The following RELCH variants were observed in gnomAD, a reference collection of about 807,000 sequenced individuals.
RELCH encodes the protein RAB11-binding protein RELCH.
Under a neutral mutation model 150.3 loss-of-function variants are expected in RELCH, and 41 were observed. The ratio of observed to expected loss-of-function variants is 0.27; its 90% confidence interval spans 0.21 to 0.35. The LOEUF is 0.35. RELCH is among the 10% of genes least tolerant of loss of function. The probability of loss-of-function intolerance (pLI) is 1.00; values close to 1 mark genes in which losing one functional copy is unlikely to be tolerated. For synonymous variants in RELCH, 478 were observed against 531.8 expected (o/e 0.90, Z 1.39); for missense variants, 1,092 against 1,467.8 (o/e 0.74, Z 4.18).
chr18:62,206,818 C>T (rs1763462271), intron 1 of RELCH, among the ~76,000 whole-genome samples: 2 of 150,610 alleles, frequency 1.3e-5, no homozygotes, highest in South Asian at 4.2e-4. Flanking sequence ...CTCCCCGCCC[C>T]GCAGCTTCTG....
At position 62,187,300 on chromosome 18, in the gene RELCH, C is replaced by T. The variant is rs562311656; in HGVS notation, c.-206C>T. 4.9e-5 allele frequency: 20 copies of T among 407,058 alleles called. No homozygotes were observed. The South Asian group carries it at 1.3e-3, about 27-fold the overall frequency. 25.2% of individuals were successfully genotyped at this position (407,058 alleles called of 1,614,324 possible). A position where few individuals can be genotyped will look rare whatever the true frequency, so the allele number is the denominator to read the frequency against. ...CCAGGAAGACGCCTGCAGAGCCGGG[C>T]TGCTGGTGCAGCAGAGGCTGAGGCA... On this transcript the variant is annotated 5_prime_UTR_variant, in exon 1 of 29. Coordinates refer to ENST00000644646, the MANE Select transcript of RELCH (RefSeq NM_001346231.2).
intron 2 of RELCH, among the ~76,000 whole-genome samples, chr18:62,220,402 CTG>C (rs2040785534): frequency 9.1e-6 from 1 of 110,436 alleles, no homozygotes; most frequent in Non-Finnish European, 1.9e-5. Context: ...TTTGATGTAT[CTG>C]TGTTTGTTTT....
intron 26 of RELCH, among the ~76,000 whole-genome samples, chr18:62,290,701 A>G (rs1162944174): frequency 5.3e-5 from 8 of 152,336 alleles, no homozygotes; most frequent in African/African-American, 1.9e-4. Context: ...TTTTAATGTC[A>G]AGATAATCAA....
intron 20 of RELCH, among the ~76,000 whole-genome samples, chr18:62,273,239 T>G (rs2044007065): frequency 6.6e-6 from 1 of 151,998 alleles, no homozygotes. Context: ...CTCTCTTAAT[T>G]TAGCGGGTTT....
At chr18:62,256,065 A>G (rs1362430752) in intron 13 of RELCH, among the ~76,000 whole-genome samples, 1 of 152,140 alleles carries the variant, frequency 6.6e-6, no homozygotes, top group Non-Finnish European at 1.5e-5. Context: ...GACAAAATAG[A>G]AAGTACTCAT....
At chr18:62,256,711 A>G (rs548344590) in intron 13 of RELCH, among the ~76,000 whole-genome samples, 2 of 152,088 alleles carry the variant, frequency 1.3e-5, no homozygotes, top group East Asian at 3.9e-4. Flanking sequence ...CTCCTGACCA[A>G]TGCTCTGGTG....
chr18:62,208,356 C>CAAAA (rs35392932), intron 1 of RELCH, among the ~76,000 whole-genome samples: 1 of 132,524 alleles, frequency 7.5e-6, no homozygotes. Flanking sequence ...ACTTTTAAAG[C>CAAAA]AAAAAAAAAA....
intron 2 of RELCH, among the ~76,000 whole-genome samples, chr18:62,213,582 T>C (rs1048276221): frequency 1.3e-5 from 2 of 151,912 alleles, no homozygotes; most frequent in Admixed American, 1.3e-4. Context: ...ATACAAAAAT[T>C]AGCTGGGCAT....
At chr18:62,220,667 T>C (rs930073980) in intron 2 of RELCH, among the ~76,000 whole-genome samples, 20 of 152,216 alleles carry the variant, frequency 1.3e-4, no homozygotes, top group African/African-American at 4.6e-4. Context: ...TTATGTCACC[T>C]GCACACATCC....
intron 18 of RELCH, among the ~76,000 whole-genome samples, chr18:62,265,967 TAAAC>T (rs922847735): frequency 5.9e-5 from 9 of 151,966 alleles, no homozygotes; most frequent in African/African-American, 2.2e-4. Context: ...ATTCAGTTGT[TAAAC>T]AAATATAATT....
chr18:62,199,280 G>T (rs2039266035), intron 1 of RELCH, among the ~76,000 whole-genome samples: 1 of 151,506 alleles, frequency 6.6e-6, no homozygotes. Flanking sequence ...TTCCACTTAT[G>T]GAAATTAATT....
chr18:62,201,210 T>C (rs1328149102), intron 1 of RELCH, among the ~76,000 whole-genome samples: 1 of 152,082 alleles, frequency 6.6e-6, no homozygotes. Flanking sequence ...CCTGACCTTG[T>C]GATCCGCCTG....
At chr18:62,228,167 A>G in intron 7 of RELCH, 138 bp from the exon 8 acceptor site, 1 of 670,202 alleles carries the variant, frequency 1.5e-6, no homozygotes, top group Non-Finnish European at 2.5e-6. Flanking sequence ...TGCATAAAAA[A>G]GATTTATTAC....
rs2045966684 is a variant in RELCH, at chr18:62,310,113, A to G, written c.*4579A>G. On this transcript the variant is annotated 3_prime_UTR_variant, in exon 29 of 29. Transcript: ENST00000644646. ...AATATAATAATTTCTCATTGACTTTATGATTTCATAGATGCTTTATCTTCA... is the reference window on the plus strand; with the variant it reads ...AATATAATAATTTCTCATTGACTTTGTGATTTCATAGATGCTTTATCTTCA... The G allele has an allele frequency of 6.6e-6, 1 of 152,126 alleles. No individual in the cohort carries two copies. The highest frequency in any genetic ancestry group is 6.5e-5 in the Admixed American group (1 of 15,272). 9.4% of individuals were successfully genotyped at this position (152,126 alleles called of 1,614,324 possible). A position where few individuals can be genotyped will look rare whatever the true frequency, so the allele number is the denominator to read the frequency against.
rs1165322946 is a variant in RELCH at position 62,188,182 on chromosome 18, C to T, written c.526+151C>T. On this transcript the variant is annotated intron_variant, in intron 1 of 28. Coordinates refer to ENST00000644646, the MANE Select transcript of RELCH (RefSeq NM_001346231.2). Reference sequence around the variant, plus strand: ...TGGGGGCGCTCTTTTGCGGTGGAAGCAAGAGGATCAGGCAATGACTGTTCT... The same window carrying T: ...TGGGGGCGCTCTTTTGCGGTGGAAGTAAGAGGATCAGGCAATGACTGTTCT... 5.3e-6 allele frequency: 5 copies of T among 938,990 alleles called. No homozygotes were observed. The African/African-American group carries it at 6.6e-5, about 12-fold the overall frequency. The allele number at this position is 938,990 out of a possible 1,614,324, so 58.2% of individuals were successfully genotyped here.
Position 62,263,988 on chromosome 18 carries a change from G to A in RELCH, c.2351-1G>A. On this transcript the variant is annotated splice_acceptor_variant, in intron 16 of 28. Coordinates refer to ENST00000644646, the MANE Select transcript of RELCH (RefSeq NM_001346231.2). LOFTEE classifies it high-confidence loss of function. ...ATTTATTTTGCTTCTTTTATGTGTA[G>A]TGACTAGGTTTCCTCGGCCTATGTC... is the stretch of plus-strand genomic sequence containing the variant. The A allele has an allele frequency of 6.2e-7, 1 of 1,605,392 alleles. No individual in the cohort carries two copies. The highest frequency in any genetic ancestry group is 8.5e-7 in the Non-Finnish European group (1 of 1,176,330).
intron 1 of RELCH, among the ~76,000 whole-genome samples, chr18:62,189,902 T>G (rs900587807): frequency 3.3e-5 from 5 of 152,256 alleles, no homozygotes; most frequent in Non-Finnish European, 4.4e-5. Context: ...GCTTTTCTAT[T>G]ATCCTCATTT....
At chr18:62,263,546 T>G (rs990620035) in intron 16 of RELCH, among the ~76,000 whole-genome samples, 6 of 152,012 alleles carry the variant, frequency 3.9e-5, no homozygotes, top group Non-Finnish European at 5.9e-5. Context: ...TGTCTATATG[T>G]CCGTTTATAT....
At chr18:62,283,402 T>A (rs148921376) in intron 25 of RELCH, among the ~76,000 whole-genome samples, 5 of 152,210 alleles carry the variant, frequency 3.3e-5, no homozygotes, top group Admixed American at 3.3e-4. Context: ...ATAGCTCTTT[T>A]ATTTTTAGCA....
Sources: gnomAD v4.1 joint callset for allele counts (sites outside exome capture counted in the v4.1 genomes callset) on GRCh38, gnomAD v4.1.1 for gene constraint, MANE v1.5 for transcripts, NCBI Gene and HGNC (gene_info 2026-07-23, HGNC 2026-07-21) for gene names.